The following WDFY1 variants were observed in gnomAD, a reference collection of about 807,000 sequenced individuals.
WDFY1 encodes WD repeat and FYVE domain containing 1.
Under a neutral mutation model 56.4 loss-of-function variants are expected in WDFY1, and 32 were observed. The observed-to-expected ratio is 0.57, with a 90% CI of 0.43 to 0.76. The LOEUF is 0.76. Among genes scored for constraint, WDFY1 ranks in the 30% least tolerant of loss-of-function variants. The pLI is 0.00. For missense variants in WDFY1, 480 were observed against 545.7 expected (o/e 0.88, Z 1.20); for synonymous variants, 192 against 197.3 (o/e 0.97, Z 0.23).
chr2:223,906,941 C>T (rs181060584), intron 3 of WDFY1, among the ~76,000 whole-genome samples: 13 of 138,296 alleles, frequency 9.4e-5, no homozygotes, highest in African/African-American at 3.3e-4. Context: ...AGAAAAATCA[C>T]GAATTACTAC....
At position 223,881,935 on chromosome 2, in the gene WDFY1, C is replaced by T. The variant is rs754968459; in HGVS notation, c.1064+7G>A. ...AGGCAATGAGACAAAAATATGCAAA[C>T]ACTCACTCTTCATCTTTGATGGAGT... is the stretch of plus-strand genomic sequence containing the variant. On this transcript the variant is annotated splice_region_variant and intron_variant, in intron 10 of 11. Transcript: ENST00000233055. 3.1e-6 allele frequency: 5 copies of T among 1,612,926 alleles called. No homozygotes were observed. The Admixed American group carries it at 6.7e-5, about 22-fold the overall frequency.
chr2:223,899,999 C>T (rs1559166710), intron 5 of WDFY1, among the ~76,000 whole-genome samples: 2 of 152,080 alleles, frequency 1.3e-5, no homozygotes, highest in African/African-American at 2.4e-5. Context: ...GGCGGTAGTA[C>T]ATTTAAATTT....
At chr2:223,888,373 T>C (rs970313131) in intron 8 of WDFY1, among the ~76,000 whole-genome samples, 6 of 151,910 alleles carry the variant, frequency 3.9e-5, no homozygotes, top group African/African-American at 1.5e-4. Flanking sequence ...CAGCTGTACA[T>C]TTTCATCAAA....
chr2:223,912,289 T>A lies in WDFY1; in HGVS notation c.243A>T (p.Arg81Ser), dbSNP rs1693717563. ...CATTATCCTGGCCCACAAATATCCG[T>A]CTGCTGTCATGATGGTAAGCCATAG... ...CSAMAYHHDS[R>S]RIFVGQDNGA... is the part of the protein sequence containing the mutation. The change falls in exon 3 of 12, where the codon AGA becomes AGT. Residue 81 changes from arginine to serine, a missense_variant. Physicochemically the swap from Arg to Ser is moderately radical, Grantham distance 110 (BLOSUM62 -1). Coordinates refer to ENST00000233055, the MANE Select transcript of WDFY1 (RefSeq NM_020830.5). 1 of 1,610,970 alleles carries A rather than the reference T, an allele frequency of 6.2e-7. No individual in the cohort carries two copies. Among genetic ancestry groups the A allele is most frequent in the Admixed American group, 1.7e-5 (1 of 59,140 alleles).
chr2:223,878,616 G>T lies in WDFY1; in HGVS notation c.*55C>A. 7.3e-7 allele frequency: 1 copy of T among 1,364,970 alleles called. No individual in the cohort carries two copies. The highest frequency in any genetic ancestry group is 1.0e-6 in the Non-Finnish European group (1 of 955,602). The allele number at this position is 1,364,970 out of a possible 1,614,324, so 84.6% of individuals were successfully genotyped here. A position where few individuals can be genotyped will look rare whatever the true frequency, so the allele number is the denominator to read the frequency against. The stretch of plus-strand genomic sequence containing the variant: ...CAGCGCTGTGGAGCTGCGTGAGAGG[G>T]ACTTCATTTGGTGGAGCTGCTGTTC... On this transcript the variant is annotated 3_prime_UTR_variant, in exon 12 of 12. Coordinates refer to ENST00000233055, the MANE Select transcript of WDFY1 (RefSeq NM_020830.5).
In WDFY1 at chr2:223,875,794, T is replaced by A. The variant is rs1692959549; in HGVS notation, c.*2877A>T. 1 of 152,180 alleles carries A rather than the reference T, an allele frequency of 6.6e-6. No individual in the cohort carries two copies. Among genetic ancestry groups the A allele is most frequent in the Non-Finnish European group, 1.5e-5 (1 of 68,014 alleles). The allele number at this position is 152,180 out of a possible 1,614,324, so 9.4% of individuals were successfully genotyped here. On this transcript the variant is annotated 3_prime_UTR_variant, in exon 12 of 12. Coordinates refer to ENST00000233055, the MANE Select transcript of WDFY1 (RefSeq NM_020830.5). ...ATATAGTAACAGATTTTTTTTACAC[T>A]TTAGGAGATACCATATCCAATAACG...
chr2:223,936,354 G>A (rs902801477), intron 1 of WDFY1, among the ~76,000 whole-genome samples: 1 of 151,966 alleles, frequency 6.6e-6, no homozygotes, highest in Non-Finnish European at 1.5e-5. Flanking sequence ...GAGCCACTGC[G>A]CCCGGCCCCC....
At position 223,898,804 on chromosome 2, in the gene WDFY1, C is replaced by T. The variant is rs183962056; in HGVS notation, c.598+154G>A. On this transcript the variant is annotated intron_variant, in intron 6 of 11. Coordinates refer to ENST00000233055, the MANE Select transcript of WDFY1 (RefSeq NM_020830.5). ...TGAAATGAACCCATCACCCCACCTT[C>T]ACTTAGTTTTCACTCTAAATCCCAT... Among the ~76,000 whole-genome samples the T allele has an allele frequency of 4.2e-4, 64 of 152,280 alleles. 1 individual carries two copies. In the East Asian group the frequency reaches 0.011, roughly 26 times the overall value.
intron 8 of WDFY1, among the ~76,000 whole-genome samples, chr2:223,888,797 A>T (rs1240614382): frequency 1.3e-5 from 2 of 150,686 alleles, no homozygotes; most frequent in South Asian, 2.1e-4. Context: ...CATGTTGGTT[A>T]GGCTGGTCTC....
At chr2:223,942,242 C>A (rs1259535617) in intron 1 of WDFY1, among the ~76,000 whole-genome samples, 1 of 150,096 alleles carries the variant, frequency 6.7e-6, no homozygotes, top group Admixed American at 6.6e-5. Flanking sequence ...TTTTTTGATA[C>A]GGAGTCTGGC....
intron 9 of WDFY1, among the ~76,000 whole-genome samples, chr2:223,883,783 T>TTACA (rs1215703901): frequency 6.6e-6 from 1 of 152,072 alleles, no homozygotes; most frequent in Non-Finnish European, 1.5e-5. Context: ...GTAGCTGGGA[T>TTACA]TACAGGCGTC....
rs143713489 is a variant in WDFY1 at position 223,892,727 on chromosome 2, G to A, written c.831+1507C>T. ...GGACTGGTGGGAATTCTGCATCAAC[G>A]CATAATGTCTATTACAATGGTGCAC... On this transcript the variant is annotated intron_variant, in intron 8 of 11. Transcript: ENST00000233055. 1.8e-4 allele frequency among the ~76,000 whole-genome samples: 27 copies of A among 152,302 alleles called. 1 individual carries two copies. In the East Asian group the frequency reaches 5.2e-3, roughly 29 times the overall value.
At chr2:223,902,751 AAAT>A (rs1693526204) in intron 4 of WDFY1, among the ~76,000 whole-genome samples, 2 of 150,408 alleles carry the variant, frequency 1.3e-5, no homozygotes, top group African/African-American at 4.9e-5. Flanking sequence ...ACTGAAATGC[AAAT>A]ATTATTTATA....
intron 1 of WDFY1, among the ~76,000 whole-genome samples, chr2:223,930,779 A>C (rs1182615714): frequency 6.6e-6 from 1 of 152,234 alleles, no homozygotes; most frequent in Non-Finnish European, 1.5e-5. Flanking sequence ...ACCAGAGGAC[A>C]AATGACGACA....
At chr2:223,941,595 G>A (rs1027672553) in intron 1 of WDFY1, among the ~76,000 whole-genome samples, 2 of 152,044 alleles carry the variant, frequency 1.3e-5, no homozygotes, top group African/African-American at 4.8e-5. Context: ...GAATACATAG[G>A]GGCCATCTCT....
chr2:223,881,846 A>G (rs994999007), intron 10 of WDFY1, 96 bp downstream of exon 10: 9 of 1,488,106 alleles, frequency 6.0e-6, no homozygotes, highest in Admixed American at 2.0e-5. Flanking sequence ...ACACATGGCT[A>G]AACATATCCT....
chr2:223,944,529 G>A (rs1689370727), intron 1 of WDFY1, among the ~76,000 whole-genome samples: 1 of 151,604 alleles, frequency 6.6e-6, no homozygotes, highest in African/African-American at 2.4e-5. Context: ...GAGGGGCGCG[G>A]TGAGACAGAG....
At chr2:223,928,692 G>A (rs971158480) in intron 1 of WDFY1, among the ~76,000 whole-genome samples, 4 of 152,178 alleles carry the variant, frequency 2.6e-5, no homozygotes, top group South Asian at 4.1e-4. Flanking sequence ...ATTGGAATCC[G>A]AAGCAATTTC....
chr2:223,939,539 T>A (rs942669155), intron 1 of WDFY1, among the ~76,000 whole-genome samples: 3 of 152,228 alleles, frequency 2.0e-5, no homozygotes, highest in Non-Finnish European at 4.4e-5. Context: ...CAGTTCCATG[T>A]GGCTAGGGAA....
Sources: allele counts gnomAD v4.1 joint callset (sites outside exome capture counted in the v4.1 genomes callset), GRCh38; gene constraint gnomAD v4.1.1; transcripts MANE v1.5; gene names NCBI Gene and HGNC (gene_info 2026-07-23, HGNC 2026-07-21).